Variants in PCDHGA1 observed in about 807,000 individuals in gnomAD.
PCDHGA1 encodes the protein protocadherin gamma subfamily A, 1.
In PCDHGA1, 32 loss-of-function variants were observed where a neutral mutation model predicts 58.0. The ratio of observed to expected loss-of-function variants is 0.55; its 90% CI spans 0.42 to 0.74. The LOEUF is 0.74. Ranked by LOEUF, PCDHGA1 falls within the 30% of genes least tolerant of loss-of-function variation. The pLI is 0.00. For missense variants in PCDHGA1, 1,205 were observed against 1,182.3 expected (o/e 1.02, Z -0.28); for synonymous variants, 498 against 501.1 (o/e 0.99, Z 0.08).
intron 1 of PCDHGA1, among the ~76,000 whole-genome samples, chr5:141,382,255 A>C (rs999860225): frequency 6.6e-6 from 1 of 152,204 alleles, no homozygotes. Flanking sequence ...ATCTTGCATC[A>C]TGGTGTCTAG....
chr5:141,396,025 T>G (rs1486088514), intron 1 of PCDHGA1: 4 of 152,248 alleles, frequency 2.6e-5, no homozygotes, highest in African/African-American at 2.4e-5. Context: ...TTGTAAAATA[T>G]GTAAGAACAT....
At chr5:141,436,214 A>G (rs1242199916) in intron 1 of PCDHGA1, among the ~76,000 whole-genome samples, 5 of 152,160 alleles carry the variant, frequency 3.3e-5, no homozygotes, top group African/African-American at 7.2e-5. Context: ...AGGAAAACAA[A>G]TGACTTGGGA....
At chr5:141,364,333 G>A in intron 1 of PCDHGA1, 1 of 1,532,742 alleles carries the variant, frequency 6.5e-7, no homozygotes. Flanking sequence ...AGAAGGCAAT[G>A]GCGAGTCCAC....
chr5:141,450,450 C>T (rs964666176), intron 1 of PCDHGA1, among the ~76,000 whole-genome samples: 5 of 151,996 alleles, frequency 3.3e-5, no homozygotes, highest in African/African-American at 9.7e-5. Context: ...TTTTATGTTT[C>T]CTCGTGATTT....
chr5:141,448,166 A>G (rs1475687778), intron 1 of PCDHGA1, among the ~76,000 whole-genome samples: 2 of 151,978 alleles, frequency 1.3e-5, no homozygotes, highest in Non-Finnish European at 2.9e-5. Context: ...AAAGATCACT[A>G]CTATTCATCC....
At chr5:141,499,438 G>A (rs2154592492) in intron 2 of PCDHGA1, among the ~76,000 whole-genome samples, 1 of 152,158 alleles carries the variant, frequency 6.6e-6, no homozygotes, top group Admixed American at 6.5e-5. Context: ...AAAATTAAAA[G>A]GAAAACCACC....
chr5:141,399,430 A>G (rs758530359), intron 1 of PCDHGA1: 12 of 1,614,016 alleles, frequency 7.4e-6, no homozygotes, highest in Non-Finnish European at 1.0e-5. Context: ...CATAAGCGTC[A>G]TCCTACATAT....
In PCDHGA1 at chr5:141,439,231, T is replaced by C. The variant is rs545867747; in HGVS notation, c.2422-55576T>C. 2.0e-5 allele frequency among the ~76,000 whole-genome samples: 3 copies of C among 151,650 alleles called. No individual in the cohort carries two copies. In the East Asian group the frequency reaches 5.8e-4, roughly 29 times the overall value. On this transcript the variant is annotated intron_variant, in intron 1 of 3. Coordinates refer to ENST00000517417, the MANE Select transcript of PCDHGA1 (RefSeq NM_018912.3). ...TCCATATGTGAAAATTCTTAGAAGC[T>C]TCCTATACAATTTCAGCTGAAGATT...
chr5:141,361,770 C>T, intron 1 of PCDHGA1: 1 of 1,613,188 alleles, frequency 6.2e-7, no homozygotes. Flanking sequence ...TCAGCGCCAA[C>T]GTGAGCCTGC....
chr5:141,370,097 C>T (rs1368287584), intron 1 of PCDHGA1, among the ~76,000 whole-genome samples: 2 of 152,174 alleles, frequency 1.3e-5, no homozygotes. Flanking sequence ...AGTACACTGC[C>T]GATTTTTCTC....
intron 1 of PCDHGA1, among the ~76,000 whole-genome samples, chr5:141,459,348 C>G (rs1015330513): frequency 2.6e-5 from 4 of 152,194 alleles, no homozygotes; most frequent in Admixed American, 2.0e-4. Context: ...TCTTGAAATT[C>G]ATTCATGTTC....
At position 141,489,886 on chromosome 5, in the gene PCDHGA1, G is replaced by A; in HGVS notation, c.2422-4921G>A. ...ACATCAGCTGGTGCTTACTGCTGTG[G>A]ATGGGGGGACCCCAGCCCGCTCAGG... is the stretch of plus-strand genomic sequence containing the variant. On this transcript the variant is annotated intron_variant, in intron 1 of 3. Transcript: ENST00000517417. This position sits in a 1 kb window ranked among gnomAD's most constrained non-coding sequence, Gnocchi z 4.5. 6.2e-7 allele frequency: 1 copy of A among 1,614,256 alleles called. No individual in the cohort carries two copies. The highest frequency in any genetic ancestry group is 8.5e-7 in the Non-Finnish European group (1 of 1,180,044).
In PCDHGA1 at chr5:141,370,463, T is replaced by C. The variant is rs763997500; in HGVS notation, c.2421+37358T>C. On this transcript the variant is annotated intron_variant, in intron 1 of 3. Coordinates refer to ENST00000517417, the MANE Select transcript of PCDHGA1 (RefSeq NM_018912.3). ...GAATGCTATTTCTCTTCCTGCTCTCTTTGTTAGACCAGGCTCTCTCCGAAC... is the reference window on the plus strand; with the variant it reads ...GAATGCTATTTCTCTTCCTGCTCTCCTTGTTAGACCAGGCTCTCTCCGAAC... The C allele has an allele frequency of 1.9e-6, 3 of 1,612,968 alleles. No individual in the cohort carries two copies. The East Asian group carries it at 6.7e-5, about 36-fold the overall frequency.
chr5:141,505,883 T>C (rs1225759976), intron 3 of PCDHGA1, among the ~76,000 whole-genome samples: 1 of 152,118 alleles, frequency 6.6e-6, no homozygotes, highest in East Asian at 1.9e-4. Flanking sequence ...GTTGTAGAGA[T>C]TAAATGAGAT....
chr5:141,376,252 C>G (rs756828511), intron 1 of PCDHGA1: 1 of 1,614,248 alleles, frequency 6.2e-7, no homozygotes, highest in Non-Finnish European at 8.5e-7. Context: ...ACAAGTCACG[C>G]CTGCTGCAGG....
chr5:141,478,604 T>C (rs1425759709), intron 1 of PCDHGA1: 2 of 1,562,580 alleles, frequency 1.3e-6, no homozygotes, highest in South Asian at 2.3e-5. Context: ...CTACATCATA[T>C]TGAGGAAGGA....
intron 1 of PCDHGA1, chr5:141,361,395 C>T: frequency 1.2e-6 from 2 of 1,614,022 alleles, no homozygotes; most frequent in Non-Finnish European, 1.7e-6. Flanking sequence ...AATACAATCT[C>T]ACCATCACAG....
chr5:141,377,430 T>C (rs1308051444), intron 1 of PCDHGA1: 1 of 151,886 alleles, frequency 6.6e-6, no homozygotes, highest in Non-Finnish European at 1.5e-5. Context: ...ACTCTGTCTC[T>C]ACCAAAAAGA....
chr5:141,404,596 G>A, intron 1 of PCDHGA1: 1 of 1,614,080 alleles, frequency 6.2e-7, no homozygotes, highest in Non-Finnish European at 8.5e-7. Context: ...ATGTGTCATT[G>A]AGACTGTTTG....
Sources: allele counts gnomAD v4.1 joint callset (sites outside exome capture counted in the v4.1 genomes callset), GRCh38; gene constraint gnomAD v4.1.1; non-coding constraint Gnocchi (gnomAD v3.1); transcripts MANE v1.5; gene names NCBI Gene and HGNC (gene_info 2026-07-23, HGNC 2026-07-21).